ASB3: variants seen among roughly 807,000 people sequenced by gnomAD.
ASB3 encodes ankyrin repeat and SOCS box protein 3.
ASB3 carries 41 observed loss-of-function variants against 54.5 expected under a neutral mutation model. The ratio of observed to expected loss-of-function variants is 0.75; its 90% CI spans 0.59 to 0.98. The LOEUF is 0.98. Ranked by LOEUF, ASB3 falls within the 50% of genes least tolerant of loss-of-function variation. The probability of loss-of-function intolerance (pLI) is 0.00; values close to 1 mark genes in which losing one functional copy is unlikely to be tolerated. For synonymous variants in ASB3, 266 were observed against 221.2 expected (o/e 1.20, Z -1.80); for missense variants, 733 against 620.0 (o/e 1.18, Z -1.94).
intron 1 of ASB3, among the ~76,000 whole-genome samples, chr2:53,775,380 AT>A (rs1045701567): frequency 1.7e-3 from 258 of 151,112 alleles, no homozygotes; most frequent in African/African-American, 5.6e-3. Context: ...TACATATAAA[AT>A]TTTTTTTTTC....
chr2:53,746,402 T>C (rs1672224831), intron 3 of ASB3, among the ~76,000 whole-genome samples: 1 of 152,122 alleles, frequency 6.6e-6, no homozygotes, highest in South Asian at 2.1e-4. Context: ...TAAAGAGTTA[T>C]ATGTCCATTC....
At chr2:53,681,502 A>G (rs1311152845) in intron 9 of ASB3, among the ~76,000 whole-genome samples, 1 of 152,108 alleles carries the variant, frequency 6.6e-6, no homozygotes, top group East Asian at 1.9e-4. Context: ...TAGAGGTCTT[A>G]AACTCTTTAA....
At chr2:53,723,565 C>G (rs951673623) in intron 5 of ASB3, among the ~76,000 whole-genome samples, 2 of 151,992 alleles carry the variant, frequency 1.3e-5, no homozygotes, top group Non-Finnish European at 2.9e-5. Flanking sequence ...CCATTTTTTA[C>G]AGAATTAGAA....
At chr2:53,699,569 T>C (rs1051730393) in intron 8 of ASB3, among the ~76,000 whole-genome samples, 1 of 152,246 alleles carries the variant, frequency 6.6e-6, no homozygotes, top group East Asian at 1.9e-4. Context: ...AGATATTTTA[T>C]TGAAATTCTA....
intron 8 of ASB3, 117 bp from the exon 9 acceptor site, chr2:53,694,131 AC>A: frequency 8.2e-7 from 1 of 1,222,038 alleles, no homozygotes; most frequent in South Asian, 1.5e-5. Context: ...CAGACAGAAA[AC>A]CAGGGCATGT....
intron 2 of ASB3, among the ~76,000 whole-genome samples, chr2:53,758,782 T>C (rs942682010): frequency 9.2e-5 from 14 of 152,144 alleles, no homozygotes; most frequent in East Asian, 3.9e-4. Flanking sequence ...ATAATGCTCA[T>C]TGGAAAATGA....
chr2:53,716,442 C>T, intron 6 of ASB3, 124 bp downstream of exon 6: 2 of 1,212,334 alleles, frequency 1.6e-6, no homozygotes, highest in Non-Finnish European at 2.3e-6. Flanking sequence ...ATCTGTTCAC[C>T]CAGCAGATTG....
chr2:53,776,365 T>C (rs2104190853), intron 1 of ASB3, among the ~76,000 whole-genome samples: 1 of 152,360 alleles, frequency 6.6e-6, no homozygotes, highest in East Asian at 1.9e-4. Flanking sequence ...AATTAGATGA[T>C]AAATGTGCTT....
At chr2:53,772,473 C>T (rs942429791) in intron 1 of ASB3, among the ~76,000 whole-genome samples, 10 of 151,986 alleles carry the variant, frequency 6.6e-5, no homozygotes, top group African/African-American at 4.8e-5. Context: ...CGCGCCCAGC[C>T]GTGGGATTTT....
intron 7 of ASB3, among the ~76,000 whole-genome samples, chr2:53,702,235 C>A (rs867160701): frequency 9.9e-5 from 15 of 152,212 alleles, no homozygotes; most frequent in Middle Eastern, 3.4e-3. Context: ...AAAAAACTAC[C>A]ATTTGTTTGA....
intron 9 of ASB3, among the ~76,000 whole-genome samples, chr2:53,674,768 T>C (rs1667991078): frequency 2.6e-5 from 4 of 152,222 alleles, no homozygotes; most frequent in Admixed American, 2.6e-4. Flanking sequence ...GTATCCATCC[T>C]TTTGTTCCCA....
At chr2:53,767,819 G>A (rs918447198) in intron 1 of ASB3, 20 of 1,535,208 alleles carry the variant, frequency 1.3e-5, no homozygotes, top group Non-Finnish European at 1.6e-5. Flanking sequence ...CTTACCGGAG[G>A]CTTCAGTCCC....
intron 8 of ASB3, among the ~76,000 whole-genome samples, chr2:53,698,181 G>A (rs1255690063): frequency 6.6e-6 from 1 of 152,118 alleles, no homozygotes; most frequent in Non-Finnish European, 1.5e-5. Flanking sequence ...CATGCCTACA[G>A]AATTAGTACC....
chr2:53,700,570 C>G, intron 7 of ASB3, 42 bp from the exon 8 acceptor site: 3 of 1,563,976 alleles, frequency 1.9e-6, no homozygotes, highest in Non-Finnish European at 2.6e-6. Flanking sequence ...AGAAGTTAGA[C>G]TTTGACATAA....
rs1671196181 is a variant in ASB3, at chr2:53,729,713, G to A, written c.356-143C>T. The stretch of plus-strand genomic sequence containing the variant: ...CTAAACAGTTATCACAATTGTCTTA[G>A]CCCAAATCCATTAACATATATCTAA... On this transcript the variant is annotated intron_variant, in intron 3 of 9. Transcript: ENST00000263634. The A allele has an allele frequency of 1.4e-4, 88 of 647,834 alleles. 2 individuals carry two copies. The South Asian group carries it at 1.7e-3, about 12-fold the overall frequency. 40.1% of individuals were successfully genotyped at this position (647,834 alleles called of 1,614,324 possible).
intron 7 of ASB3, among the ~76,000 whole-genome samples, chr2:53,707,962 A>C (rs78790652): frequency 5.9e-5 from 2 of 34,144 alleles, no homozygotes. Context: ...ACTCTGTCTC[A>C]AAAAAAAAAA....
intron 2 of ASB3, among the ~76,000 whole-genome samples, chr2:53,751,570 ACAAAT>A (rs2104009559): frequency 6.6e-6 from 1 of 152,320 alleles, no homozygotes; most frequent in South Asian, 2.1e-4. Context: ...CTCAAATTAT[ACAAAT>A]GATATTTACA....
intron 2 of ASB3, among the ~76,000 whole-genome samples, chr2:53,763,296 T>C (rs115900059): frequency 0.011 from 1,692 of 151,984 alleles, 30 homozygotes; most frequent in African/African-American, 0.039. Context: ...GAGGTGGAGG[T>C]GGTGGTGAGC....
intron 8 of ASB3, 131 bp from the exon 9 acceptor site, chr2:53,694,145 A>C: frequency 9.7e-7 from 1 of 1,032,640 alleles, no homozygotes; most frequent in Non-Finnish European, 1.4e-6. Context: ...GGGCATGTTA[A>C]GTATTTATGT....
Sources: gnomAD v4.1 joint callset for allele counts (sites outside exome capture counted in the v4.1 genomes callset) on GRCh38, gnomAD v4.1.1 for gene constraint, MANE v1.5 for transcripts, NCBI Gene and HGNC (gene_info 2026-07-23, HGNC 2026-07-21) for gene names.